GIPC1: variants seen among roughly 807,000 people sequenced by gnomAD.
The protein encoded by GIPC1 is GIPC PDZ domain containing family member 1, also known as PDZ domain-containing protein GIPC1.
Under a neutral mutation model 28.5 loss-of-function variants are expected in GIPC1, and 15 were observed. That is an observed-to-expected ratio of 0.53 (90% CI 0.35 to 0.81). The LOEUF is 0.81. Among genes scored for constraint, GIPC1 ranks in the 30% least tolerant of loss-of-function variants. The pLI, the probability that GIPC1 is intolerant of heterozygous loss-of-function variation, is 0.01. For missense variants in GIPC1, 439 were observed against 481.9 expected, an observed-to-expected ratio of 0.91 and a Z score of 0.83; for synonymous variants, 224 against 206.1, an observed-to-expected ratio of 1.09 and a Z score of -0.74.
intron 1 of GIPC1, among the ~76,000 whole-genome samples, chr19:14,495,351 A>G (rs2072054095): frequency 6.6e-6 from 1 of 152,042 alleles, no homozygotes; most frequent in South Asian, 2.1e-4. Context: ...GGAGCTACTC[A>G]GCAACAACTG....
rs557786302 is a variant in GIPC1, at chr19:14,478,589, C to T, written c.851-22G>A. The T allele has an allele frequency of 2.8e-5, 45 of 1,613,792 alleles. No individual in the cohort carries two copies. The highest frequency in any genetic ancestry group is 1.7e-4 in the African/African-American group (13 of 75,002). ...GCCGCTATTGGGGGAGGGGTCAGAA[C>T]GGAGGCACAAATGACACCAGGGACC... On this transcript the variant is annotated intron_variant, in intron 8 of 8. Transcript: ENST00000393033. The surrounding 1 kb of genome is among the most constrained non-coding windows in gnomAD (Gnocchi z 5.2).
rs766409659 is a variant in GIPC1, at chr19:14,480,316, C to T, written c.644G>A (p.Arg215His). The change falls in exon 6 of 9, where the codon CGC becomes CAC. Residue 215 changes from arginine to histidine, a missense_variant. Arg to His is a conservative substitution (Grantham distance 29). Coordinates refer to ENST00000393033, the MANE Select transcript of GIPC1 (RefSeq NM_005716.4). ...RTFTLKLTEP[R>H]KAFDMISQRS... is the part of the protein sequence containing the mutation. ...GGGCGGCTCCTCACCGAAGGCCTTG[C>T]GAGGCTCCGTGAGCTTCAGCGTGAA... is the stretch of plus-strand genomic sequence containing the variant. 16 of 1,610,632 alleles carry T rather than the reference C, an allele frequency of 9.9e-6. No homozygotes were observed. The highest frequency in any genetic ancestry group is 2.7e-5 in the African/African-American group (2 of 74,868).
intron 3 of GIPC1, among the ~76,000 whole-genome samples, chr19:14,486,481 T>C (rs1377028211): frequency 1.3e-5 from 2 of 152,168 alleles, no homozygotes; most frequent in East Asian, 3.9e-4. Flanking sequence ...TGCTGGAGCC[T>C]CCAGAGATCT....
intron 3 of GIPC1, among the ~76,000 whole-genome samples, chr19:14,486,677 AT>A (rs993190723): frequency 1.2e-3 from 166 of 140,766 alleles, no homozygotes; most frequent in African/African-American, 3.7e-3. Flanking sequence ...CACCACATAC[AT>A]TTTTTTTCTG....
Position 14,478,093 on chromosome 19 carries a change from G to T in GIPC1, c.*323C>A, listed in dbSNP as rs947308063. On this transcript the variant is annotated 3_prime_UTR_variant, in exon 9 of 9. Coordinates refer to ENST00000393033, the MANE Select transcript of GIPC1 (RefSeq NM_005716.4). The surrounding 1 kb of genome is among the most constrained non-coding windows in gnomAD (Gnocchi z 5.2). The stretch of plus-strand genomic sequence containing the variant: ...AGGCCCCAGGGAGACAGAGGGACCA[G>T]TTTGGCAGCTGATGGTGGAAAGTGG... The T allele has an allele frequency of 6.2e-6, 2 of 322,378 alleles. No individual in the cohort carries two copies. Among genetic ancestry groups the T allele is most frequent in the African/African-American group, 4.2e-5 (2 of 47,980 alleles). 20.0% of individuals were successfully genotyped at this position (322,378 alleles called of 1,614,324 possible).
Position 14,496,076 on chromosome 19 carries a change from T to TGCCTCC in GIPC1, c.-220_-215dup, listed in dbSNP as rs1050733747. On this transcript the variant is annotated 5_prime_UTR_variant, in exon 1 of 9. Transcript: ENST00000393033. ...CCGCCGCCGCCGCCGCCGCCGCCGC[T>TGCCTCC]GCCTCCGCCTCCCCGTGCGCACCCG... The TGCCTCC allele has an allele frequency of 1.0e-4, 21 of 203,628 alleles. No individual in the cohort carries two copies. The highest frequency in any genetic ancestry group is 1.6e-4 in the Non-Finnish European group (17 of 109,520). The allele number at this position is 203,628 out of a possible 1,614,324, so 12.6% of individuals were successfully genotyped here. A position where few individuals can be genotyped will look rare whatever the true frequency, so the allele number is the denominator to read the frequency against.
chr19:14,489,433 A>T (rs1221547386), intron 3 of GIPC1: 1 of 864,296 alleles, frequency 1.2e-6, no homozygotes. Context: ...TACGGACAAG[A>T]AGTTTTCATT....
chr19:14,479,595 C>T, intron 6 of GIPC1, 71 bp from the exon 7 acceptor site: 2 of 762,452 alleles, frequency 2.6e-6, no homozygotes, highest in African/African-American at 1.9e-5. Context: ...GGAACTTGTC[C>T]TTCCTGGCTT....
At chr19:14,493,186 G>T (rs948691397) in intron 1 of GIPC1, among the ~76,000 whole-genome samples, 1 of 152,170 alleles carries the variant, frequency 6.6e-6, no homozygotes, top group Non-Finnish European at 1.5e-5. Context: ...TCAGGCCCAT[G>T]AACTTAATTG....
Position 14,480,395 on chromosome 19 carries a change from A to G in GIPC1, c.565T>C (p.Cys189Arg). The G allele has an allele frequency of 6.2e-7, 1 of 1,613,208 alleles. No homozygotes were observed. The highest frequency in any genetic ancestry group is 8.5e-7 in the Non-Finnish European group (1 of 1,179,750). Reference protein sequence around the residue: ...EAINGQSLLGCRHYEVARLLK... With the variant: ...EAINGQSLLGRRHYEVARLLK... ...AGCCGGGCCACCTCGTAGTGCCGGC[A>G]GCCCAGCAGGCTCTGCCCGTTAATG... Residue 189 changes from cysteine to arginine, a missense_variant, in exon 6 of 9, where the codon TGC becomes CGC. Cys to Arg is a radical substitution (Grantham distance 180). Transcript: ENST00000393033.
At position 14,485,682 on chromosome 19, in the gene GIPC1, C is replaced by T. The variant is rs1012314312; in HGVS notation, c.-30-2676G>A. Among the ~76,000 whole-genome samples the T allele has an allele frequency of 1.1e-3, 43 of 40,952 alleles. 3 individuals carry two copies. The highest frequency in any genetic ancestry group is 1.2e-3 in the Admixed American group (5 of 4,036). 26.9% of individuals were successfully genotyped at this position (40,952 alleles called of 152,430 possible). Reference sequence around the variant, plus strand: ...AAAAATAAATAAATAAATAAATAAACAAATATATATATATATATATAGAGA... The same window carrying T: ...AAAAATAAATAAATAAATAAATAAATAAATATATATATATATATATAGAGA... On this transcript the variant is annotated intron_variant, in intron 3 of 8. Coordinates refer to ENST00000393033, the MANE Select transcript of GIPC1 (RefSeq NM_005716.4).
chr19:14,493,540 C>T (rs2072014881), intron 1 of GIPC1, among the ~76,000 whole-genome samples: 1 of 152,154 alleles, frequency 6.6e-6, no homozygotes, highest in African/African-American at 2.4e-5. Flanking sequence ...TCACTGCAAC[C>T]TCCACCTCCT....
chr19:14,482,716 G>A lies in GIPC1; in HGVS notation c.261C>T (p.Ala87=), dbSNP rs559255899. 15 of 1,611,386 alleles carry A rather than the reference G, an allele frequency of 9.3e-6. No homozygotes were observed. Among genetic ancestry groups the A allele is most frequent in the African/African-American group, 4.0e-5 (3 of 74,884 alleles). The change falls in exon 4 of 9, where the codon GCC becomes GCT. Residue 87 remains alanine (A), a synonymous_variant. Transcript: ENST00000393033. ...TNVKELYGKI[A]EAFRLPTAEV... is the part of the protein sequence containing the mutation. ...CGGCAGTTGGCAGGCGGAAGGCCTC[G>A]GCGATCTTGCCATACAGCTCCTTGA...
intron 3 of GIPC1, among the ~76,000 whole-genome samples, chr19:14,490,913 T>G (rs1240381987): frequency 1.4e-5 from 2 of 146,642 alleles, no homozygotes; most frequent in African/African-American, 5.0e-5. Context: ...AGGCGGAGCT[T>G]GCAGTGAGCC....
Position 14,478,142 on chromosome 19 carries a change from TTTGGCTG to T in GIPC1, c.*267_*273del. The T allele has an allele frequency of 2.5e-6, 1 of 402,078 alleles. No homozygotes were observed. The highest frequency in any genetic ancestry group is 4.5e-6 in the Non-Finnish European group (1 of 221,770). 24.9% of individuals were successfully genotyped at this position (402,078 alleles called of 1,614,324 possible). On this transcript the variant is annotated 3_prime_UTR_variant, in exon 9 of 9. Transcript: ENST00000393033. The surrounding 1 kb of genome is among the most constrained non-coding windows in gnomAD (Gnocchi z 5.2). ...GGTGGAGGCGGGGGTGGCCGCCCAA[TTTGGCTG>T]ATCCCTCCCCTCCCTGTGCCTGACC... is the stretch of plus-strand genomic sequence containing the variant.
At position 14,480,306 on chromosome 19, in the gene GIPC1, G is replaced by A; in HGVS notation, c.654C>T (p.Phe218=). The A allele has an allele frequency of 2.5e-6, 4 of 1,610,134 alleles. No homozygotes were observed. Among genetic ancestry groups the A allele is most frequent in the Admixed American group, 1.7e-5 (1 of 60,020 alleles). ...GAGGTCCAGGGGGCGGCTCCTCACC[G>A]AAGGCCTTGCGAGGCTCCGTGAGCT... is the stretch of plus-strand genomic sequence containing the variant. ...TLKLTEPRKA[F]DMISQRSAGG... Residue 218 remains phenylalanine (F), a splice_region_variant and synonymous_variant, in exon 6 of 9, where the codon TTC becomes TTT. Coordinates refer to ENST00000393033, the MANE Select transcript of GIPC1 (RefSeq NM_005716.4).
chr19:14,485,854 T>C (rs2071833188), intron 3 of GIPC1, among the ~76,000 whole-genome samples: 1 of 151,262 alleles, frequency 6.6e-6, no homozygotes, highest in African/African-American at 2.4e-5. Flanking sequence ...CACTGCAAGC[T>C]CCACCTCCAG....
At chr19:14,489,060 A>C in intron 3 of GIPC1, among the ~76,000 whole-genome samples, 1 of 151,704 alleles carries the variant, frequency 6.6e-6, no homozygotes, top group Non-Finnish European at 1.5e-5. Context: ...TGAATAGCTG[A>C]GACTACAGGT....
chr19:14,480,432 G>A lies in GIPC1; in HGVS notation c.528C>T (p.Asp176=), dbSNP rs750890606. 3.1e-6 allele frequency: 5 copies of A among 1,613,782 alleles called. No homozygotes were observed. The highest frequency in any genetic ancestry group is 4.2e-6 in the Non-Finnish European group (5 of 1,179,924). Residue 176 remains aspartate, a synonymous_variant, in exon 6 of 9, where the codon GAC becomes GAT. Coordinates refer to ENST00000393033, the MANE Select transcript of GIPC1 (RefSeq NM_005716.4). ...IDHIHLISVG[D]MIEAINGQSL... The stretch of plus-strand genomic sequence containing the variant: ...TCTGCCCGTTAATGGCCTCGATCAT[G>A]TCGCCCACGCTGATGAGGTGGATGT...
Sources: gnomAD v4.1 joint callset for allele counts (sites outside exome capture counted in the v4.1 genomes callset) on GRCh38, gnomAD v4.1.1 for gene constraint, Gnocchi (gnomAD v3.1) non-coding constraint, MANE v1.5 for transcripts, NCBI Gene and HGNC (gene_info 2026-07-23, HGNC 2026-07-21) for gene names.